Variants in BBS1 observed in about 807,000 individuals in gnomAD.
The protein encoded by BBS1 is Bardet-Biedl syndrome 1.
A neutral mutation model predicts 73.9 loss-of-function variants in BBS1; 60 were observed. The ratio of observed to expected loss-of-function variants is 0.81; its 90% confidence interval spans 0.66 to 1.01. The LOEUF (loss-of-function observed/expected upper bound fraction) is 1.01, where lower values mean the gene tolerates loss of function less well. Ranked by LOEUF, BBS1 falls within the 50% of genes least tolerant of loss-of-function variation. The pLI is 0.00. For synonymous variants in BBS1, 283 were observed against 317.4 expected (o/e 0.89, Z 1.15); for missense variants, 718 against 770.3 (o/e 0.93, Z 0.80).
intron 13 of BBS1, 85 bp from the exon 14 acceptor site, chr11:66,529,734 C>T (rs1856685398): frequency 6.4e-7 from 1 of 1,551,890 alleles, no homozygotes; most frequent in Non-Finnish European, 8.8e-7. Flanking sequence ...CCTCCCCACA[C>T]CAACCTGAGC....
At position 66,514,461 on chromosome 11, in the gene BBS1, A is replaced by G. The variant is rs539223435; in HGVS notation, c.215A>G (p.Lys72Arg). ...CAGCAGCCCCGCCTGAAGGTGCTCAAAGGACCACTGGTGATGACCGAAAGC... is the reference window on the plus strand; with the variant it reads ...CAGCAGCCCCGCCTGAAGGTGCTCAGAGGACCACTGGTGATGACCGAAAGC... The part of the protein sequence containing the change: ...GGQQPRLKVL[K>R]GPLVMTESPL... Residue 72 changes from lysine to arginine, a missense_variant, in exon 4 of 17, where the codon AAA (lysine) becomes AGA (arginine). Coordinates refer to ENST00000318312, the MANE Select transcript of BBS1 (RefSeq NM_024649.5). The G allele has an allele frequency of 1.2e-6, 2 of 1,614,168 alleles. No individual in the cohort carries two copies. Among genetic ancestry groups the G allele is most frequent in the South Asian group, 1.1e-5 (1 of 91,082 alleles).
intron 14 of BBS1, 62 bp from the exon 15 acceptor site, chr11:66,530,832 A>T: frequency 3.1e-6 from 5 of 1,609,462 alleles, no homozygotes; most frequent in Non-Finnish European, 4.3e-6. Flanking sequence ...GGCAGAGCAC[A>T]CTGTACTCCG....
intron 3 of BBS1, among the ~76,000 whole-genome samples, chr11:66,511,995 CAA>C (rs796283982): frequency 1.6e-4 from 20 of 121,998 alleles, no homozygotes; most frequent in Admixed American, 3.3e-4. Context: ...GAGACAGTTT[CAA>C]AAAAAAATAT....
intron 10 of BBS1, 45 bp from the exon 11 acceptor site, chr11:66,523,679 C>T: frequency 6.2e-7 from 1 of 1,610,082 alleles, no homozygotes; most frequent in Middle Eastern, 1.7e-4. Context: ...GTTCTTTCCA[C>T]TGTAAGCCCT....
chr11:66,520,053 G>A (rs556693593), intron 8 of BBS1, among the ~76,000 whole-genome samples: 39 of 152,212 alleles, frequency 2.6e-4, no homozygotes, highest in African/African-American at 7.5e-4. Context: ...CTAGTGCTTT[G>A]GGAGGCCGAG....
In BBS1 at chr11:66,511,034, G is replaced by T; in HGVS notation, c.69G>T (p.Trp23Cys). ...GAESNEANSK[W>C]LDAHYDPMAN... Reference sequence around the variant, plus strand: ...CCAGCAATGAGGCCAATTCGAAGTGGTTGGATGCGCACTACGACCCAATGG... The same window carrying T: ...CCAGCAATGAGGCCAATTCGAAGTGTTTGGATGCGCACTACGACCCAATGG... The change falls in exon 2 of 17, where the codon TGG (tryptophan) becomes TGT (cysteine). Residue 23 changes from tryptophan to cysteine, a missense_variant. Physicochemically the swap from Trp to Cys is radical, Grantham distance 215. Coordinates refer to ENST00000318312, the MANE Select transcript of BBS1 (RefSeq NM_024649.5). The T allele has an allele frequency of 1.2e-6, 2 of 1,614,128 alleles. No homozygotes were observed. The highest frequency in any genetic ancestry group is 1.1e-5 in the South Asian group (1 of 91,084).
chr11:66,529,776 A>C (rs1590779250), intron 13 of BBS1, 43 bp from the exon 14 acceptor site: 1 of 1,603,960 alleles, frequency 6.2e-7, no homozygotes, highest in African/African-American at 1.4e-5. Flanking sequence ...CCTCCCTGCC[A>C]CCCCCCACCT....
chr11:66,521,007 C>T (rs1200317611), intron 8 of BBS1: 1 of 489,678 alleles, frequency 2.0e-6, no homozygotes, highest in Non-Finnish European at 3.7e-6. Flanking sequence ...GTGTGGGCCA[C>T]CACACCCAGC....
chr11:66,530,078 ACCTTC>A, intron 14 of BBS1, 126 bp downstream of exon 14: 2 of 1,354,480 alleles, frequency 1.5e-6, no homozygotes, highest in Non-Finnish European at 2.0e-6. Flanking sequence ...GCTCCCCATC[ACCTTC>A]CCGCAGACCT....
rs1475257145 is a variant in BBS1 at position 66,510,707 on chromosome 11, G to T, written c.47+1G>T. 4 of 1,614,194 alleles carry T rather than the reference G, an allele frequency of 2.5e-6. No homozygotes were observed. The South Asian group carries it at 4.4e-5, about 18-fold the overall frequency. On this transcript the variant is annotated splice_donor_variant, in intron 1 of 16. Coordinates refer to ENST00000318312, the MANE Select transcript of BBS1 (RefSeq NM_024649.5). LOFTEE classifies it high-confidence loss of function. ...ATTCCGACGCCTGCGGAGCTGAGAG[G>T]TGAAGGCAGGGCTCCTCAAGGCCTC...
chr11:66,532,924 C>T lies in BBS1; in HGVS notation c.*887C>T, dbSNP rs965760651. The T allele has an allele frequency of 6.6e-6, 1 of 152,238 alleles. No homozygotes were observed. Among genetic ancestry groups the T allele is most frequent in the Non-Finnish European group, 1.5e-5 (1 of 68,052 alleles). The allele number at this position is 152,238 out of a possible 1,614,324, so 9.4% of individuals were successfully genotyped here. ...GTCCAGAACTGCCCATATAGATGCC[C>T]TTCTACATCCTGGAGCCCAAATCAG... On this transcript the variant is annotated 3_prime_UTR_variant, in exon 17 of 17. Coordinates refer to ENST00000318312, the MANE Select transcript of BBS1 (RefSeq NM_024649.5).
intron 8 of BBS1, chr11:66,519,965 A>C: frequency 2.0e-6 from 1 of 494,794 alleles, no homozygotes; most frequent in Non-Finnish European, 3.6e-6. Context: ...ATATTTAGAC[A>C]TAGATATATA....
intron 13 of BBS1, 121 bp from the exon 14 acceptor site, chr11:66,529,695 ACTC>A (rs1254975674): frequency 1.1e-5 from 14 of 1,241,696 alleles, no homozygotes; most frequent in South Asian, 3.7e-5. Flanking sequence ...GCTCCTGCAG[ACTC>A]CTCCTGCAGC....
At chr11:66,529,219 T>C (rs1180854648) in intron 13 of BBS1, 9 of 1,484,270 alleles carry the variant, frequency 6.1e-6, no homozygotes, top group Admixed American at 4.1e-5. Context: ...TGGAGGTGGC[T>C]TGGGGAAGAG....
At chr11:66,526,056 A>C (rs567873665) in intron 11 of BBS1, 67 bp from the exon 12 acceptor site, 2 of 1,453,790 alleles carry the variant, frequency 1.4e-6, no homozygotes, top group Non-Finnish European at 1.9e-6. Context: ...GGCCTCCCCT[A>C]CCCATCCCCT....
rs200350565 is a variant in BBS1, at chr11:66,523,705, G to A, written c.952-19G>A. 41 of 1,610,222 alleles carry A rather than the reference G, an allele frequency of 2.5e-5. No homozygotes were observed. In the East Asian group the frequency reaches 5.3e-4, roughly 21 times the overall value. ...TGTAAGCCCTGAGCCCTCCACAGAC[G>A]CTGGCTGTTCCCTGCCAGGGGAAGA... On this transcript the variant is annotated intron_variant, in intron 10 of 16. Coordinates refer to ENST00000318312, the MANE Select transcript of BBS1 (RefSeq NM_024649.5).
At chr11:66,515,370 T>C (rs1435971100) in intron 4 of BBS1, among the ~76,000 whole-genome samples, 170 bp from the exon 5 acceptor site, 2 of 152,062 alleles carry the variant, frequency 1.3e-5, no homozygotes, top group Non-Finnish European at 2.9e-5. Context: ...TACATGGCCA[T>C]GAGACTGGAT....
chr11:66,523,679 C>G lies in BBS1; in HGVS notation c.952-45C>G, dbSNP rs553625102. 6.8e-6 allele frequency: 11 copies of G among 1,610,082 alleles called. No individual in the cohort carries two copies. In the African/African-American group the frequency reaches 1.5e-4, roughly 21 times the overall value. On this transcript the variant is annotated intron_variant, in intron 10 of 16. Transcript: ENST00000318312. The stretch of plus-strand genomic sequence containing the variant: ...CCCACCCCAGAAACCGTTCTTTCCA[C>G]TGTAAGCCCTGAGCCCTCCACAGAC...
intron 14 of BBS1, 61 bp from the exon 15 acceptor site, chr11:66,530,833 C>G: frequency 1.9e-6 from 3 of 1,610,092 alleles, no homozygotes; most frequent in Non-Finnish European, 2.6e-6. Flanking sequence ...GCAGAGCACA[C>G]TGTACTCCGT....
Sources: gnomAD v4.1 joint callset for allele counts (sites outside exome capture counted in the v4.1 genomes callset) on GRCh38, gnomAD v4.1.1 for gene constraint, MANE v1.5 for transcripts, NCBI Gene and HGNC (gene_info 2026-07-23, HGNC 2026-07-21) for gene names.